TNS3: variants seen among roughly 807,000 people sequenced by gnomAD.
TNS3 encodes tensin-3.
Under a neutral mutation model 140.9 loss-of-function variants are expected in TNS3, and 45 were observed. The observed-to-expected ratio is 0.32, with a 90% CI of 0.25 to 0.41. The LOEUF (loss-of-function observed/expected upper bound fraction) is 0.41. Ranked by LOEUF, TNS3 falls within the 10% of genes least tolerant of loss-of-function variation. The pLI is 1.00. For missense variants in TNS3, 1,716 were observed against 1,906.7 expected (o/e 0.90, Z 1.86); for synonymous variants, 815 against 788.4 (o/e 1.03, Z -0.56).
chr7:47,413,679 G>A (rs1444958939), intron 12 of TNS3, among the ~76,000 whole-genome samples: 1 of 151,956 alleles, frequency 6.6e-6, no homozygotes, highest in Non-Finnish European at 1.5e-5. Flanking sequence ...CAAAATTCCA[G>A]CCCCCACGTC....
At chr7:47,562,681 G>A (rs932180014) in intron 1 of TNS3, among the ~76,000 whole-genome samples, 3 of 152,204 alleles carry the variant, frequency 2.0e-5, no homozygotes, top group East Asian at 1.9e-4. Context: ...CACCGCACCA[G>A]GCCTAGTCTG....
intron 21 of TNS3, among the ~76,000 whole-genome samples, chr7:47,304,278 GAC>G (rs1456560841): frequency 1.3e-5 from 2 of 152,178 alleles, no homozygotes; most frequent in Admixed American, 1.3e-4. Context: ...CACACCACGT[GAC>G]ACACGTATTT....
At chr7:47,485,018 T>A (rs1436432278) in intron 3 of TNS3, among the ~76,000 whole-genome samples, 1 of 152,150 alleles carries the variant, frequency 6.6e-6, no homozygotes, top group African/African-American at 2.4e-5. Context: ...GTGCACTGCA[T>A]CCCCTGAGAC....
At chr7:47,545,565 C>G (rs1400824311) in intron 1 of TNS3, among the ~76,000 whole-genome samples, 1 of 152,198 alleles carries the variant, frequency 6.6e-6, no homozygotes, top group Non-Finnish European at 1.5e-5. Flanking sequence ...GAGGACCCAG[C>G]CTGGTCTCCC....
chr7:47,550,111 A>C (rs551190372), intron 1 of TNS3, among the ~76,000 whole-genome samples: 1 of 151,474 alleles, frequency 6.6e-6, no homozygotes, highest in South Asian at 2.1e-4. Context: ...GGATCGGGCA[A>C]GGTCTTCTGG....
intron 20 of TNS3, among the ~76,000 whole-genome samples, chr7:47,341,517 A>G (rs1014780639): frequency 6.6e-6 from 1 of 152,152 alleles, no homozygotes; most frequent in East Asian, 1.9e-4. Context: ...CTATGCATGT[A>G]GAGTAGTTTG....
rs1335537485 is a variant in TNS3, at chr7:47,302,966, C to A, written c.3441G>T (p.Ala1147=). The A allele has an allele frequency of 1.2e-6, 2 of 1,606,140 alleles. No individual in the cohort carries two copies. Among genetic ancestry groups the A allele is most frequent in the South Asian group, 1.1e-5 (1 of 90,150 alleles). The change falls in exon 22 of 31, where the codon GCG becomes GCT. Residue 1147 remains alanine (A), a synonymous_variant. Transcript: ENST00000311160. ...VLPDFSKASE[A]ASPLPDSPGD... ...CACACCTACCTGGCAGAGGTGAGGC[C>A]GCTTCTGAAGCCTTGGAAAAGTCGG... is the stretch of plus-strand genomic sequence containing the variant.
chr7:47,518,285 G>T (rs976124375), intron 2 of TNS3, among the ~76,000 whole-genome samples: 6 of 152,086 alleles, frequency 3.9e-5, no homozygotes, highest in African/African-American at 1.4e-4. Flanking sequence ...CGCCCGTGTG[G>T]CACAGGTAGG....
At chr7:47,501,101 GAGAA>G (rs1177220826) in intron 3 of TNS3, among the ~76,000 whole-genome samples, 6 of 135,176 alleles carry the variant, frequency 4.4e-5, no homozygotes, top group Non-Finnish European at 9.1e-5. Context: ...GAGAGAAAGA[GAGAA>G]AGGGAGAAAG....
chr7:47,334,751 G>A, intron 20 of TNS3, among the ~76,000 whole-genome samples: 1 of 151,812 alleles, frequency 6.6e-6, no homozygotes, highest in Non-Finnish European at 1.5e-5. Context: ...TGGAACTACA[G>A]GCATGCGCCA....
chr7:47,526,784 C>T (rs1799208853), intron 2 of TNS3, among the ~76,000 whole-genome samples: 1 of 152,186 alleles, frequency 6.6e-6, no homozygotes, highest in African/African-American at 2.4e-5. Context: ...GCTCCGCTGG[C>T]ACAGGACCAG....
At position 47,487,870 on chromosome 7, in the gene TNS3, G is replaced by A. The variant is rs1335984702; in HGVS notation, c.-114-6729C>T. 6.6e-5 allele frequency among the ~76,000 whole-genome samples: 10 copies of A among 152,102 alleles called. No homozygotes were observed. In the East Asian group the frequency reaches 1.5e-3, roughly 24 times the overall value. ...CTTTTTAAAGAAACTTCGTGATGGC[G>A]CCAAGATGGCAGTACTTTCTTTCCT... On this transcript the variant is annotated intron_variant, in intron 3 of 30. Coordinates refer to ENST00000311160, the MANE Select transcript of TNS3 (RefSeq NM_022748.12).
intron 11 of TNS3, among the ~76,000 whole-genome samples, 174 bp downstream of exon 11, chr7:47,414,920 A>C (rs1438636434): frequency 6.6e-6 from 1 of 152,118 alleles, no homozygotes; most frequent in Non-Finnish European, 1.5e-5. Flanking sequence ...CCAACCACAT[A>C]AACATGGGGC....
chr7:47,463,673 A>C (rs1796583068), intron 4 of TNS3, among the ~76,000 whole-genome samples: 1 of 152,198 alleles, frequency 6.6e-6, no homozygotes, highest in Non-Finnish European at 1.5e-5. Context: ...GACTGTGGAA[A>C]GGATGCCTGT....
chr7:47,571,840 G>A (rs1166695424), intron 1 of TNS3, among the ~76,000 whole-genome samples: 1 of 152,222 alleles, frequency 6.6e-6, no homozygotes, highest in Non-Finnish European at 1.5e-5. Context: ...CTGTCAGCAT[G>A]CCGCTGGCCA....
chr7:47,570,724 G>T (rs189705675), intron 1 of TNS3, among the ~76,000 whole-genome samples: 2 of 152,342 alleles, frequency 1.3e-5, no homozygotes, highest in Admixed American at 1.3e-4. Flanking sequence ...GCCCCTGGCT[G>T]TCCAGAGGAT....
chr7:47,573,878 G>C (rs570145705), intron 1 of TNS3, among the ~76,000 whole-genome samples: 12 of 152,240 alleles, frequency 7.9e-5, no homozygotes, highest in Non-Finnish European at 1.8e-4. Context: ...ACAGCCTGCT[G>C]TTGACATTCC....
At chr7:47,558,032 A>G (rs1412680156) in intron 1 of TNS3, among the ~76,000 whole-genome samples, 1 of 151,414 alleles carries the variant, frequency 6.6e-6, no homozygotes, top group Non-Finnish European at 1.5e-5. Context: ...CTTCTGCACC[A>G]CTCCCACCCC....
At chr7:47,433,536 C>A (rs183495887) in intron 8 of TNS3, among the ~76,000 whole-genome samples, 1 of 152,318 alleles carries the variant, frequency 6.6e-6, no homozygotes, top group East Asian at 1.9e-4. Context: ...TTTAAATAAT[C>A]TCATCATTTC....
Sources: allele counts gnomAD v4.1 joint callset (sites outside exome capture counted in the v4.1 genomes callset), GRCh38; gene constraint gnomAD v4.1.1; transcripts MANE v1.5; gene names NCBI Gene and HGNC (gene_info 2026-07-23, HGNC 2026-07-21).